NCOR2: variants seen among roughly 807,000 people sequenced by gnomAD.
The protein encoded by NCOR2 is CTG repeat protein 26.
NCOR2 carries 81 observed loss-of-function variants against 262.9 expected under a neutral mutation model. That is an observed-to-expected ratio of 0.31 (90% CI 0.26 to 0.37). The LOEUF (loss-of-function observed/expected upper bound fraction) is 0.37. NCOR2 is among the 10% of genes least tolerant of loss of function. The pLI is 1.00. For missense variants in NCOR2, 3,385 were observed against 3,621.4 expected, an observed-to-expected ratio of 0.93 and a Z score of 1.68; for synonymous variants, 1,659 against 1,559.3, an observed-to-expected ratio of 1.06 and a Z score of -1.51.
intron 1 of NCOR2, among the ~76,000 whole-genome samples, chr12:124,500,887 C>A (rs896003613): frequency 6.6e-5 from 10 of 152,114 alleles, no homozygotes; most frequent in Non-Finnish European, 1.3e-4. Flanking sequence ...CGCTCAGCCG[C>A]GGGCTGTGGG....
At chr12:124,448,106 G>C (rs1225591362) in intron 7 of NCOR2, among the ~76,000 whole-genome samples, 2 of 152,236 alleles carry the variant, frequency 1.3e-5, no homozygotes, top group Non-Finnish European at 1.5e-5. Flanking sequence ...CCAAGGCCTA[G>C]AACGGGACCT....
chr12:124,369,167 C>G (rs930723841), intron 20 of NCOR2, among the ~76,000 whole-genome samples: 41 of 152,182 alleles, frequency 2.7e-4, no homozygotes, highest in African/African-American at 9.9e-4. Flanking sequence ...CCAGGCCCTG[C>G]CAAAAAAGCA....
intron 20 of NCOR2, among the ~76,000 whole-genome samples, chr12:124,365,290 G>T (rs1026008135): frequency 6.6e-6 from 1 of 152,234 alleles, no homozygotes; most frequent in South Asian, 2.1e-4. Flanking sequence ...TGTGACCACA[G>T]TGACGACGTC....
rs117905932 is a variant in NCOR2 at position 124,548,996 on chromosome 12, T to A, written c.-164-13385A>T. Among the ~76,000 whole-genome samples the A allele has an allele frequency of 0.018, 2,769 of 151,908 alleles. 36 individuals carry two copies. Among genetic ancestry groups the A allele is most frequent in the South Asian group, 0.048 (230 of 4,812 alleles). On this transcript the variant is annotated intron_variant, in intron 1 of 32. Transcript: ENST00000458234. This position sits in a 1 kb window ranked among gnomAD's most constrained non-coding sequence, Gnocchi z 5.1. ...CCGACGGTTGGGGCACCGCACAGAT[T>A]TTTGCTGTTGTTGTTAATTCTGTGT...
chr12:124,403,512 C>A (rs2042097205), intron 13 of NCOR2, among the ~76,000 whole-genome samples: 1 of 152,208 alleles, frequency 6.6e-6, no homozygotes, highest in Non-Finnish European at 1.5e-5. Flanking sequence ...AAAGCACACA[C>A]TGATTTTCTT....
exon 21 of NCOR2, chr12:124,363,698 G>T: frequency 7.1e-7 from 1 of 1,399,290 alleles, no homozygotes; most frequent in Non-Finnish European, 9.4e-7. Flanking sequence ...GATGGCAGCC[G>T]CTCGCTGCTT....
chr12:124,447,719 CAG>C (rs1279997462), intron 7 of NCOR2, among the ~76,000 whole-genome samples: 1 of 148,984 alleles, frequency 6.7e-6, no homozygotes, highest in African/African-American at 2.5e-5. Flanking sequence ...TTAACAGAAA[CAG>C]GGTTTTGCTC....
upstream of NCOR2, among the ~76,000 whole-genome samples, chr12:124,536,513 G>C (rs377121858): frequency 6.6e-6 from 1 of 152,136 alleles, no homozygotes; most frequent in African/African-American, 2.4e-5. Flanking sequence ...AGACAACATA[G>C]ACGCTTCACC....
At chr12:124,428,648 A>G (rs1435943891) in intron 10 of NCOR2, among the ~76,000 whole-genome samples, 2 of 152,210 alleles carry the variant, frequency 1.3e-5, no homozygotes, top group Admixed American at 1.3e-4. Flanking sequence ...TGCTCCGCCC[A>G]GGAGGGGAGC....
intron 1 of NCOR2, among the ~76,000 whole-genome samples, chr12:124,512,716 G>A (rs946569588): frequency 1.3e-5 from 2 of 152,208 alleles, no homozygotes; most frequent in African/African-American, 4.8e-5. Flanking sequence ...CGGAGGCACA[G>A]GGAGTTCAGC....
chr12:124,461,523 T>C (rs2046161792), intron 5 of NCOR2, among the ~76,000 whole-genome samples: 1 of 152,250 alleles, frequency 6.6e-6, no homozygotes, highest in South Asian at 2.1e-4. Flanking sequence ...TAGTCACCTA[T>C]GCAGACGGGT....
At chr12:124,462,467 C>A (rs2046215418) in intron 5 of NCOR2, among the ~76,000 whole-genome samples, 1 of 152,240 alleles carries the variant, frequency 6.6e-6, no homozygotes, top group Admixed American at 6.5e-5. Context: ...TGCCCATGAG[C>A]CCCGTGCAGA....
chr12:124,543,551 C>T (rs963949159), intron 1 of NCOR2, among the ~76,000 whole-genome samples: 3 of 152,198 alleles, frequency 2.0e-5, no homozygotes, highest in East Asian at 3.8e-4. Flanking sequence ...CCGACAGCGC[C>T]GTGGATTTAG....
At chr12:124,553,497 G>A (rs2051780494) in intron 1 of NCOR2, among the ~76,000 whole-genome samples, 1 of 152,114 alleles carries the variant, frequency 6.6e-6, no homozygotes, top group Non-Finnish European at 1.5e-5. Flanking sequence ...GATTCCCCAG[G>A]GTCCACGTGC....
intron 27 of NCOR2, among the ~76,000 whole-genome samples, chr12:124,351,385 G>A (rs1412875985): frequency 1.4e-5 from 1 of 70,622 alleles, no homozygotes; most frequent in Non-Finnish European, 2.8e-5. Context: ...TCTTTGCTGT[G>A]GGGCTGTCCT....
exon 40 of NCOR2, chr12:124,335,141 G>A (rs138855129): frequency 8.1e-6 from 13 of 1,612,290 alleles, no homozygotes; most frequent in South Asian, 7.7e-5. Context: ...TTACACTGAT[G>A]TGCTGGGCCA....
chr12:124,397,205 C>T, intron 16 of NCOR2, among the ~76,000 whole-genome samples: 1 of 152,198 alleles, frequency 6.6e-6, no homozygotes, highest in Non-Finnish European at 1.5e-5. Flanking sequence ...GCCAGTGATG[C>T]GCCAGCTCCG....
chr12:124,522,817 C>T (rs1382446055), intron 1 of NCOR2, among the ~76,000 whole-genome samples: 1 of 152,238 alleles, frequency 6.6e-6, no homozygotes, highest in African/African-American at 2.4e-5. Flanking sequence ...GCCCCAGGGC[C>T]CCCCTATAGC....
chr12:124,518,346 G>C (rs143270813), intron 1 of NCOR2: 7 of 152,298 alleles, frequency 4.6e-5, no homozygotes, highest in Non-Finnish European at 1.0e-4. Flanking sequence ...GCAGAGGGGC[G>C]GCCCCAGAGG....
Sources: gnomAD v4.1 joint callset for allele counts (sites outside exome capture counted in the v4.1 genomes callset) on GRCh38, gnomAD v4.1.1 for gene constraint, Gnocchi (gnomAD v3.1) non-coding constraint, MANE v1.5 for transcripts, NCBI Gene and HGNC (gene_info 2026-07-23, HGNC 2026-07-21) for gene names.